ATRNL1: variants seen among roughly 807,000 people sequenced by gnomAD.
ATRNL1 encodes the protein attractin like 1, also known as attractin-like protein 1.
A neutral mutation model predicts 182.7 loss-of-function variants in ATRNL1; 95 were observed. That is an observed-to-expected ratio of 0.52 (90% CI 0.44 to 0.62). ATRNL1 has a LOEUF of 0.62. ATRNL1 is among the 20% of genes least tolerant of loss of function. The pLI is 0.00. For synonymous variants in ATRNL1, 576 were observed against 568.3 expected (o/e 1.01, Z -0.19); for missense variants, 1,471 against 1,679.5 (o/e 0.88, Z 2.17).
intron 28 of ATRNL1, among the ~76,000 whole-genome samples, chr10:115,873,531 A>G (rs1407819584): frequency 6.6e-6 from 1 of 152,158 alleles, no homozygotes; most frequent in African/African-American, 2.4e-5. Context: ...ATTTGTCTTA[A>G]GCTTTGTTAA....
chr10:115,649,575 T>C (rs782284218), intron 26 of ATRNL1, among the ~76,000 whole-genome samples: 59 of 152,284 alleles, frequency 3.9e-4, no homozygotes, highest in Non-Finnish European at 6.5e-4. Context: ...TGACACCTCA[T>C]CTGATGCTTG....
At chr10:115,482,290 A>G (rs534099348) in intron 24 of ATRNL1, among the ~76,000 whole-genome samples, 89 of 151,074 alleles carry the variant, frequency 5.9e-4, no homozygotes, top group Non-Finnish European at 1.1e-3. Context: ...AGTGGGTTCT[A>G]TGTGTAAATC....
At chr10:115,518,202 AGGGATCATAATCTCT>A (rs1409470089) in intron 24 of ATRNL1, among the ~76,000 whole-genome samples, 1 of 151,824 alleles carries the variant, frequency 6.6e-6, no homozygotes, top group Non-Finnish European at 1.5e-5. Flanking sequence ...TTCTTCACTC[AGGGATCATAATCTCT>A]GGCCAGTTGT....
chr10:115,114,042 G>C (rs536481797), intron 1 of ATRNL1, among the ~76,000 whole-genome samples: 26 of 151,898 alleles, frequency 1.7e-4, no homozygotes, highest in Non-Finnish European at 3.2e-4. Flanking sequence ...CGTGATACCT[G>C]CATAAAAACA....
rs551725941 is a variant in ATRNL1, at chr10:115,122,122, G to A, written c.491+310G>A. On this transcript the variant is annotated intron_variant, in intron 3 of 28. Coordinates refer to ENST00000355044, the MANE Select transcript of ATRNL1 (RefSeq NM_207303.4). ...TTCAGAACTATCTGGATATATTAGC[G>A]TGAGTTCTAGCTGACAAATAAATAG... Among the ~76,000 whole-genome samples, 7 of 151,886 alleles carry A rather than the reference G, an allele frequency of 4.6e-5. No individual in the cohort carries two copies. The South Asian group carries it at 1.5e-3, about 32-fold the overall frequency.
intron 10 of ATRNL1, among the ~76,000 whole-genome samples, chr10:115,254,077 A>T (rs1463720173): frequency 2.0e-5 from 3 of 152,194 alleles, no homozygotes; most frequent in African/African-American, 7.2e-5. Flanking sequence ...GCTATTGTGA[A>T]TAGTACCGCA....
chr10:115,298,006 A>G (rs1022966433), intron 15 of ATRNL1, among the ~76,000 whole-genome samples: 7 of 152,080 alleles, frequency 4.6e-5, no homozygotes, highest in African/African-American at 7.2e-5. Context: ...TCCATTTGCT[A>G]AGGAATGTGA....
intron 1 of ATRNL1, among the ~76,000 whole-genome samples, chr10:115,094,545 A>G (rs776429687): frequency 1.3e-5 from 2 of 152,166 alleles, no homozygotes; most frequent in Non-Finnish European, 2.9e-5. Context: ...TTTAGTCATC[A>G]TAGTGATGTT....
chr10:115,180,054 A>G (rs958123331), intron 8 of ATRNL1, among the ~76,000 whole-genome samples: 5 of 152,048 alleles, frequency 3.3e-5, no homozygotes, highest in Admixed American at 6.6e-5. Context: ...CTATCAATGT[A>G]GAAGTAATCA....
chr10:115,847,112 T>C (rs1403525694), intron 27 of ATRNL1, among the ~76,000 whole-genome samples: 1 of 152,004 alleles, frequency 6.6e-6, no homozygotes, highest in Non-Finnish European at 1.5e-5. Context: ...ACTAAAACAA[T>C]ATTAAAGATA....
chr10:115,677,817 G>A (rs1436403327), intron 26 of ATRNL1, among the ~76,000 whole-genome samples: 1 of 152,036 alleles, frequency 6.6e-6, no homozygotes, highest in East Asian at 1.9e-4. Flanking sequence ...TTCCTCGGCA[G>A]CACCACATTG....
intron 28 of ATRNL1, among the ~76,000 whole-genome samples, chr10:115,898,753 T>C (rs1952271721): frequency 6.6e-6 from 1 of 152,142 alleles, no homozygotes; most frequent in African/African-American, 2.4e-5. Context: ...ACCCCTGATA[T>C]GTTGTGTAGT....
chr10:115,185,069 A>C (rs1279559435), intron 8 of ATRNL1, among the ~76,000 whole-genome samples: 1 of 152,048 alleles, frequency 6.6e-6, no homozygotes, highest in Non-Finnish European at 1.5e-5. Flanking sequence ...GGGGGAGTCA[A>C]GGAAGAATCC....
intron 26 of ATRNL1, among the ~76,000 whole-genome samples, chr10:115,718,592 C>T (rs898149358): frequency 1.3e-5 from 2 of 152,100 alleles, no homozygotes; most frequent in Non-Finnish European, 2.9e-5. Flanking sequence ...CTAGATAAAT[C>T]CATTTTGCAT....
chr10:115,425,464 A>G (rs1250173884), intron 20 of ATRNL1, among the ~76,000 whole-genome samples: 2 of 152,018 alleles, frequency 1.3e-5, no homozygotes, highest in Non-Finnish European at 2.9e-5. Flanking sequence ...ATGCAAAACC[A>G]TGCTATATCT....
At chr10:115,248,025 G>A (rs963371980) in intron 10 of ATRNL1, among the ~76,000 whole-genome samples, 1 of 152,098 alleles carries the variant, frequency 6.6e-6, no homozygotes, top group Non-Finnish European at 1.5e-5. Context: ...TGAGGAGGGT[G>A]GGGGAAGTGG....
chr10:115,618,617 A>G (rs933781426), intron 26 of ATRNL1, among the ~76,000 whole-genome samples: 1 of 152,024 alleles, frequency 6.6e-6, no homozygotes, highest in Non-Finnish European at 1.5e-5. Flanking sequence ...ACTGTTGTCA[A>G]AGCTATCTTT....
intron 13 of ATRNL1, among the ~76,000 whole-genome samples, chr10:115,275,834 A>AGGGAG (rs1852080615): frequency 6.6e-6 from 1 of 152,180 alleles, no homozygotes; most frequent in Non-Finnish European, 1.5e-5. Context: ...CTAAGCCATT[A>AGGGAG]AATGTCTTCT....
chr10:115,261,156 A>G (rs74503381), intron 10 of ATRNL1, among the ~76,000 whole-genome samples: 1,917 of 152,284 alleles, frequency 0.013, 41 homozygotes, highest in African/African-American at 0.043. Context: ...GCCTTACAAA[A>G]GCAATACGAG....
Sources: allele counts gnomAD v4.1 joint callset (sites outside exome capture counted in the v4.1 genomes callset), GRCh38; gene constraint gnomAD v4.1.1; transcripts MANE v1.5; gene names NCBI Gene and HGNC (gene_info 2026-07-23, HGNC 2026-07-21).